The following FHIT variants were observed in gnomAD, a reference collection of about 807,000 sequenced individuals.
The protein encoded by FHIT is fragile histidine triad diadenosine triphosphatase.
Under a neutral mutation model 17.9 loss-of-function variants are expected in FHIT, and 19 were observed. That is an observed-to-expected ratio of 1.06 (90% CI 0.74 to 1.56). The LOEUF is 1.56. Among genes scored for constraint, FHIT ranks in the 40% most tolerant of loss-of-function variants. The probability of loss-of-function intolerance (pLI) is 0.00; values close to 1 mark genes in which losing one functional copy is unlikely to be tolerated. For missense variants in FHIT, 248 were observed against 189.2 expected (o/e 1.31, Z -1.82); for synonymous variants, 81 against 69.7 (o/e 1.16, Z -0.81).
chr3:60,514,733 G>T (rs2035085389), intron 5 of FHIT, among the ~76,000 whole-genome samples: 1 of 152,124 alleles, frequency 6.6e-6, no homozygotes, highest in Non-Finnish European at 1.5e-5. Flanking sequence ...AAGCCATTTT[G>T]CCTCCAATGT....
At chr3:60,640,828 T>C (rs2039707411) in intron 4 of FHIT, among the ~76,000 whole-genome samples, 1 of 152,232 alleles carries the variant, frequency 6.6e-6, no homozygotes. Context: ...TAAATAAACA[T>C]ACTAAAGTAT....
At chr3:59,790,808 C>T (rs1367852753) in intron 8 of FHIT, among the ~76,000 whole-genome samples, 1 of 152,148 alleles carries the variant, frequency 6.6e-6, no homozygotes, top group Non-Finnish European at 1.5e-5. Flanking sequence ...TCATCACAGT[C>T]CCAGCACTAA....
intron 5 of FHIT, among the ~76,000 whole-genome samples, chr3:60,184,262 C>T (rs543724158): frequency 8.5e-5 from 13 of 152,150 alleles, no homozygotes; most frequent in South Asian, 6.2e-4. Context: ...TAACAAAAGC[C>T]TCTATTTTAT....
chr3:60,758,008 C>A (rs1699509845), intron 4 of FHIT, among the ~76,000 whole-genome samples: 1 of 152,124 alleles, frequency 6.6e-6, no homozygotes, highest in Non-Finnish European at 1.5e-5. Context: ...GGCTCTCTAG[C>A]TTCCAGTTAG....
At chr3:60,014,904 T>C (rs1019341916) in intron 5 of FHIT, among the ~76,000 whole-genome samples, 1 of 152,162 alleles carries the variant, frequency 6.6e-6, no homozygotes, top group Admixed American at 6.5e-5. Flanking sequence ...CAGCAACATA[T>C]AAGATCTGAG....
chr3:60,296,015 G>A (rs1708191015), intron 5 of FHIT, among the ~76,000 whole-genome samples: 1 of 152,052 alleles, frequency 6.6e-6, no homozygotes, highest in Non-Finnish European at 1.5e-5. Context: ...AGATCTGATG[G>A]TTTTATAAGG....
At chr3:60,291,221 A>G (rs772440828) in intron 5 of FHIT, among the ~76,000 whole-genome samples, 2 of 152,096 alleles carry the variant, frequency 1.3e-5, no homozygotes, top group Non-Finnish European at 2.9e-5. Context: ...AGGGAAATAC[A>G]GGGGGTTTTA....
chr3:60,134,587 A>G (rs972944164), intron 5 of FHIT, among the ~76,000 whole-genome samples: 1 of 152,228 alleles, frequency 6.6e-6, no homozygotes, highest in Non-Finnish European at 1.5e-5. Flanking sequence ...ATACATATAT[A>G]CATGCAGTCA....
chr3:59,772,820 C>T lies in FHIT; in HGVS notation c.349-20499G>A, dbSNP rs556757499. Reference sequence around the variant, plus strand: ...CAACTAGCTTGTGCATCCACAACTCCAAATTCAGCCCTGTGGTGGTCAGCG... The same window carrying T: ...CAACTAGCTTGTGCATCCACAACTCTAAATTCAGCCCTGTGGTGGTCAGCG... On this transcript the variant is annotated intron_variant, in intron 8 of 9. Transcript: ENST00000492590. Among the ~76,000 whole-genome samples the T allele has an allele frequency of 4.6e-5, 7 of 152,226 alleles. No individual in the cohort carries two copies. The East Asian group carries it at 1.2e-3, about 25-fold the overall frequency.
chr3:60,529,127 T>C (rs542666784), intron 5 of FHIT, among the ~76,000 whole-genome samples: 1 of 152,330 alleles, frequency 6.6e-6, no homozygotes, highest in South Asian at 2.1e-4. Context: ...AAGTCCAATG[T>C]AGGATTTGTG....
rs1477791026 is a variant in FHIT, at chr3:59,748,219, G to GAT, written c.*1364_*1365dup. Among the ~76,000 whole-genome samples, 2 of 151,842 alleles carry GAT rather than the reference G, an allele frequency of 1.3e-5. No individual in the cohort carries two copies. Among genetic ancestry groups the GAT allele is most frequent in the Non-Finnish European group, 2.9e-5 (2 of 67,960 alleles). On this transcript the variant is annotated 3_prime_UTR_variant, in exon 10 of 10. Coordinates refer to ENST00000492590, the MANE Select transcript of FHIT (RefSeq NM_002012.4). ...TTTGAGGCTGAAATATAAAGTTTAAGATATATATACTAAAATTCAAAAAGT... is the reference window on the plus strand; with the variant it reads ...TTTGAGGCTGAAATATAAAGTTTAAGATATATATATACTAAAATTCAAAAAGT...
chr3:60,355,381 T>C (rs1038820097), intron 5 of FHIT, among the ~76,000 whole-genome samples: 3 of 152,138 alleles, frequency 2.0e-5, no homozygotes, highest in Non-Finnish European at 4.4e-5. Flanking sequence ...CTTCTTCTTA[T>C]CTAATCTGTC....
At chr3:60,296,338 A>G (rs1708207902) in intron 5 of FHIT, among the ~76,000 whole-genome samples, 1 of 152,106 alleles carries the variant, frequency 6.6e-6, no homozygotes. Flanking sequence ...CATCTTCACC[A>G]GCATTTAGTG....
intron 7 of FHIT, among the ~76,000 whole-genome samples, chr3:59,953,492 T>C (rs577771906): frequency 6.6e-6 from 1 of 152,230 alleles, no homozygotes; most frequent in South Asian, 2.1e-4. Context: ...CTCTTCTGCA[T>C]TGCCACGCAG....
At chr3:60,630,983 AC>A (rs2039427025) in intron 4 of FHIT, among the ~76,000 whole-genome samples, 1 of 150,210 alleles carries the variant, frequency 6.7e-6, no homozygotes, top group Admixed American at 6.7e-5. Flanking sequence ...AGTAAAAAAC[AC>A]TCTCAATCTT....
intron 8 of FHIT, among the ~76,000 whole-genome samples, chr3:59,901,349 AG>A (rs747080546): frequency 1.2e-4 from 18 of 152,224 alleles, no homozygotes; most frequent in Non-Finnish European, 2.4e-4. Context: ...TGCAAGACAA[AG>A]GTAAGTATGC....
intron 5 of FHIT, among the ~76,000 whole-genome samples, chr3:60,178,002 G>A (rs772251595): frequency 2.6e-5 from 4 of 152,112 alleles, no homozygotes; most frequent in Non-Finnish European, 4.4e-5. Context: ...TCCTAGCTAC[G>A]GGAAAGTGAG....
intron 8 of FHIT, among the ~76,000 whole-genome samples, chr3:59,897,846 A>C (rs1704141293): frequency 6.6e-6 from 1 of 151,326 alleles, no homozygotes; most frequent in Non-Finnish European, 1.5e-5. Context: ...GGCTCACTGC[A>C]AGCTCCGCCT....
intron 2 of FHIT, among the ~76,000 whole-genome samples, chr3:61,142,206 T>C (rs1295857533): frequency 6.6e-6 from 1 of 151,512 alleles, no homozygotes; most frequent in Admixed American, 6.6e-5. Context: ...AATTTTGGTT[T>C]CACTCTTAAG....
Sources: allele counts gnomAD v4.1 joint callset (sites outside exome capture counted in the v4.1 genomes callset), GRCh38; gene constraint gnomAD v4.1.1; transcripts MANE v1.5; gene names NCBI Gene and HGNC (gene_info 2026-07-23, HGNC 2026-07-21).